Variants in TEX11 observed in about 807,000 individuals in gnomAD.
TEX11 encodes testis expressed 11.
TEX11 carries 7 observed loss-of-function variants against 84.4 expected under a neutral mutation model. The ratio of observed to expected loss-of-function variants is 0.08; its 90% confidence interval spans 0.05 to 0.16. The LOEUF (loss-of-function observed/expected upper bound fraction) is 0.16. TEX11 is among the 10% of genes least tolerant of loss of function. The probability of loss-of-function intolerance (pLI) is 1.00; values close to 1 mark genes in which losing one functional copy is unlikely to be tolerated. For missense variants in TEX11, 551 were observed against 660.5 expected (o/e 0.83, Z 1.82); for synonymous variants, 264 against 222.8 (o/e 1.18, Z -1.64).
At chrX:70,542,934 C>A (rs953586115) in intron 28 of TEX11, among the ~76,000 whole-genome samples, 7 of 112,244 alleles carry the variant, frequency 6.2e-5, no homozygotes, top group Admixed American at 4.7e-4. Context: ...GTAATCCCAG[C>A]ACTTTGGGAG....
At chrX:70,685,234 C>T (rs1422591110) in intron 13 of TEX11, among the ~76,000 whole-genome samples, 1 of 111,704 alleles carries the variant, frequency 9.0e-6, no homozygotes, top group Non-Finnish European at 1.9e-5. Context: ...TGTGGTGGCA[C>T]ATGCCTGTAA....
At chrX:70,636,271 C>T (rs1264319480) in intron 17 of TEX11, among the ~76,000 whole-genome samples, 2 of 110,932 alleles carry the variant, frequency 1.8e-5, no homozygotes, top group South Asian at 4.0e-4. Context: ...CAAGGCAGTC[C>T]TTGTGGCCCG....
chrX:70,605,474 C>T lies in TEX11; in HGVS notation c.1994G>A (p.Arg665Gln), dbSNP rs202064716. The T allele has an allele frequency of 5.6e-4, 672 of 1,207,191 alleles. No homozygotes were observed. Among genetic ancestry groups the T allele is most frequent in the Non-Finnish European group, 7.4e-4 (657 of 893,403 alleles). ...AACTGCCATAAGTAAACATGTTTTC[C>T]GTGCAATCAGAATTACTTGATCAGA... ...CPSDQVILIA[R>Q]KTCLLMAVAV... The change falls in exon 24 of 30, where the codon CGG becomes CAG. Residue 665 changes from arginine to glutamine, a missense_variant. Physicochemically the swap from Arg to Gln is conservative, Grantham distance 43. Transcript: ENST00000374333.
intron 28 of TEX11, among the ~76,000 whole-genome samples, chrX:70,530,756 C>G (rs2087876741): frequency 9.0e-6 from 1 of 111,381 alleles, no homozygotes; most frequent in South Asian, 3.8e-4. Flanking sequence ...TCATTTGGAT[C>G]CAAAAAGAAA....
chrX:70,796,612 G>A (rs910983243), intron 9 of TEX11, among the ~76,000 whole-genome samples: 1 of 111,722 alleles, frequency 9.0e-6, no homozygotes, highest in East Asian at 2.8e-4. Context: ...TTGACAAGTG[G>A]GACCTAATTA....
chrX:70,900,395 A>G (rs28832336), intron 2 of TEX11, among the ~76,000 whole-genome samples: 800 of 60,064 alleles, frequency 0.013, 11 homozygotes, highest in Middle Eastern at 0.032. Flanking sequence ...AAAAAAAAAA[A>G]AAGAAGAAGA....
intron 2 of TEX11, among the ~76,000 whole-genome samples, chrX:70,892,688 G>A (rs763560522): frequency 9.3e-6 from 1 of 107,885 alleles, no homozygotes; most frequent in African/African-American, 3.4e-5. Context: ...AGATGAGATC[G>A]ACCCACTGCA....
chrX:70,793,698 A>T (rs1386603276), intron 9 of TEX11, among the ~76,000 whole-genome samples: 2 of 111,761 alleles, frequency 1.8e-5, no homozygotes, highest in Non-Finnish European at 3.8e-5. Flanking sequence ...AAATTAAAAC[A>T]GTCTCAAGTA....
intron 15 of TEX11, among the ~76,000 whole-genome samples, chrX:70,671,880 G>GAGATATATAT (rs1407122325): frequency 1.5e-5 from 1 of 66,342 alleles, no homozygotes; most frequent in African/African-American, 5.3e-5. Flanking sequence ...CAATTGTTTT[G>GAGATATATAT]ATATATATAT....
intron 9 of TEX11, among the ~76,000 whole-genome samples, chrX:70,794,163 C>T (rs191312576): frequency 8.9e-6 from 1 of 111,832 alleles, no homozygotes; most frequent in East Asian, 2.8e-4. Flanking sequence ...CCATTCACAG[C>T]CACATAATGG....
chrX:70,817,252 T>TACAC (rs764022161), intron 8 of TEX11, among the ~76,000 whole-genome samples: 2,792 of 95,098 alleles, frequency 0.029, 44 homozygotes, highest in East Asian at 0.12. Context: ...CACATATATA[T>TACAC]ATACACACAC....
At chrX:70,829,280 G>A (rs2091363236) in intron 8 of TEX11, among the ~76,000 whole-genome samples, 2 of 110,842 alleles carry the variant, frequency 1.8e-5, no homozygotes, top group African/African-American at 3.3e-5. Context: ...TCAGGAGTTC[G>A]AGACCAGCCT....
chrX:70,724,843 GT>G (rs1407305518), intron 12 of TEX11, among the ~76,000 whole-genome samples: 4 of 111,201 alleles, frequency 3.6e-5, no homozygotes, highest in Non-Finnish European at 5.7e-5. Flanking sequence ...CTTTTGTGCA[GT>G]GTACATTCTG....
chrX:70,639,107 G>A (rs927319410), intron 17 of TEX11, among the ~76,000 whole-genome samples: 26 of 111,870 alleles, frequency 2.3e-4, no homozygotes, highest in African/African-American at 8.1e-4. Context: ...TCGGCGGGGG[G>A]AAGCGCAAGG....
intron 9 of TEX11, among the ~76,000 whole-genome samples, chrX:70,752,843 C>A (rs938446125): frequency 6.3e-5 from 7 of 110,685 alleles, no homozygotes; most frequent in African/African-American, 2.0e-4. Flanking sequence ...CAGAAGCCAC[C>A]CTTTTCCCGT....
chrX:70,524,553 GT>G (rs1017157201), downstream of TEX11, among the ~76,000 whole-genome samples: 1 of 112,207 alleles, frequency 8.9e-6, no homozygotes. Flanking sequence ...CAATTAGATG[GT>G]TTTTTTGTTG....
chrX:70,824,104 G>C (rs1270989745), intron 8 of TEX11, among the ~76,000 whole-genome samples: 1 of 112,077 alleles, frequency 8.9e-6, no homozygotes, highest in East Asian at 2.8e-4. Context: ...ATCTCCCACT[G>C]AATGTAACTA....
chrX:70,519,592 T>A, the TEX11 span, among the ~76,000 whole-genome samples: 6 of 111,505 alleles, frequency 5.4e-5, no homozygotes, highest in South Asian at 2.3e-3. Context: ...TTATATGTCT[T>A]GGGGTTGCTC....
At chrX:70,811,604 G>C in intron 8 of TEX11, among the ~76,000 whole-genome samples, 1 of 111,373 alleles carries the variant, frequency 9.0e-6, no homozygotes, top group Middle Eastern at 4.6e-3. Context: ...TCGCCACACT[G>C]TCTTCCACAA....
Sources: allele counts gnomAD v4.1 joint callset (sites outside exome capture counted in the v4.1 genomes callset), GRCh38; gene constraint gnomAD v4.1.1; transcripts MANE v1.5; gene names NCBI Gene and HGNC (gene_info 2026-07-23, HGNC 2026-07-21).